CRACD: variants seen among roughly 807,000 people sequenced by gnomAD.
CRACD encodes capping protein-inhibiting regulator of actin dynamics.
CRACD carries 56 observed loss-of-function variants against 106.8 expected under a neutral mutation model. The observed-to-expected ratio is 0.52, with a 90% CI of 0.42 to 0.66. CRACD has a LOEUF of 0.66. CRACD is among the 30% of genes least tolerant of loss of function. CRACD has a pLI of 0.00. For synonymous variants in CRACD, 754 were observed against 670.8 expected (o/e 1.12, Z -1.92); for missense variants, 1,730 against 1,623.2 (o/e 1.07, Z -1.13).
chr4:56,121,089 T>C (rs376756995), intron 1 of CRACD, among the ~76,000 whole-genome samples: 2 of 152,322 alleles, frequency 1.3e-5, no homozygotes, highest in South Asian at 2.1e-4. Flanking sequence ...TCTTTAACAC[T>C]CCCTCTTCAT....
At position 56,314,417 on chromosome 4, in the gene CRACD, G is replaced by GAGGGAGCGGAGGGAGCGGAGGGAGCGT; in HGVS notation, c.923_924insGAGGGAGCGGAGGGAGCGTAGGGAGCG (p.Arg308_Glu309insArgGluArgArgGluArgArgGluArg). 1 of 1,544,024 alleles carries GAGGGAGCGGAGGGAGCGGAGGGAGCGT rather than the reference G, an allele frequency of 6.5e-7. No individual in the cohort carries two copies. Among genetic ancestry groups the GAGGGAGCGGAGGGAGCGGAGGGAGCGT allele is most frequent in the Non-Finnish European group, 8.7e-7 (1 of 1,144,066 alleles). On this transcript the variant is annotated inframe_insertion, in exon 8 of 11. Transcript: ENST00000682029. This position sits in a 1 kb window ranked among gnomAD's most constrained non-coding sequence, Gnocchi z 4.4. ...CGCCAGGTTGGGAGGACGCGGAGCG[G>GAGGGAGCGGAGGGAGCGGAGGGAGCGT]AGGGAGCGTGAGGAGCGCGAGCGCC...
intron 1 of CRACD, among the ~76,000 whole-genome samples, chr4:56,070,981 A>G (rs1411124358): frequency 1.3e-5 from 2 of 151,652 alleles, no homozygotes; most frequent in Non-Finnish European, 2.9e-5. Flanking sequence ...AACCCTGATG[A>G]CAGAGGTTGT....
intron 3 of CRACD, 103 bp from the exon 4 acceptor site, chr4:56,298,111 A>T: frequency 1.5e-6 from 2 of 1,291,908 alleles, no homozygotes; most frequent in Non-Finnish European, 1.1e-6. Context: ...GCCGAATGAG[A>T]CTGGGAATGT....
At chr4:56,163,336 C>A (rs1201813663) in intron 1 of CRACD, among the ~76,000 whole-genome samples, 3 of 151,778 alleles carry the variant, frequency 2.0e-5, no homozygotes, top group Non-Finnish European at 4.4e-5. Context: ...AATATTTTTC[C>A]TCATACAGCA....
intron 1 of CRACD, among the ~76,000 whole-genome samples, chr4:56,147,473 G>C (rs1454494706): frequency 2.0e-5 from 3 of 152,092 alleles, no homozygotes; most frequent in African/African-American, 7.2e-5. Flanking sequence ...CCTACATTCT[G>C]TCTGTATGGA....
At chr4:56,322,442 A>C (rs1195650828) in intron 8 of CRACD, among the ~76,000 whole-genome samples, 2 of 152,218 alleles carry the variant, frequency 1.3e-5, no homozygotes, top group African/African-American at 4.8e-5. Context: ...TACATAGGTG[A>C]GACAGTCAAC....
At chr4:56,103,991 C>T (rs1262064841) in intron 1 of CRACD, among the ~76,000 whole-genome samples, 1 of 152,186 alleles carries the variant, frequency 6.6e-6, no homozygotes, top group African/African-American at 2.4e-5. Context: ...TCAGGATGGT[C>T]TCAAACTCCT....
chr4:56,306,897 T>G (rs1744750060), intron 4 of CRACD, among the ~76,000 whole-genome samples: 1 of 152,188 alleles, frequency 6.6e-6, no homozygotes, highest in Non-Finnish European at 1.5e-5. Flanking sequence ...GTTCCTATCC[T>G]TTATAGGGTT....
At chr4:56,082,113 A>T (rs993481236) in intron 1 of CRACD, among the ~76,000 whole-genome samples, 6 of 152,224 alleles carry the variant, frequency 3.9e-5, no homozygotes, top group African/African-American at 1.4e-4. Context: ...GGGTGGTATG[A>T]TAGAGTTGCC....
intron 2 of CRACD, among the ~76,000 whole-genome samples, chr4:56,223,351 T>G (rs1414881693): frequency 1.3e-5 from 2 of 152,152 alleles, no homozygotes; most frequent in Non-Finnish European, 2.9e-5. Flanking sequence ...TTATGTAAAT[T>G]GGTAGGGATT....
At chr4:56,216,986 CAAAAAAA>C (rs369354563) in intron 2 of CRACD, among the ~76,000 whole-genome samples, 1 of 66,298 alleles carries the variant, frequency 1.5e-5, no homozygotes, top group African/African-American at 7.0e-5. Context: ...GACTCCGTCT[CAAAAAAA>C]AAAAAAAAAG....
chr4:56,089,168 A>G (rs1271746194), intron 1 of CRACD, among the ~76,000 whole-genome samples: 1 of 152,238 alleles, frequency 6.6e-6, no homozygotes, highest in East Asian at 1.9e-4. Flanking sequence ...GGGACCACAA[A>G]TTTGTGCCCT....
chr4:56,199,356 A>C (rs1737766783), intron 2 of CRACD, among the ~76,000 whole-genome samples: 1 of 152,120 alleles, frequency 6.6e-6, no homozygotes, highest in Admixed American at 6.6e-5. Context: ...TCATGCTTTT[A>C]TCAGCAAGTT....
At chr4:56,188,684 TCTCACACACA>T (rs1255919776) in intron 2 of CRACD, among the ~76,000 whole-genome samples, 6 of 99,808 alleles carry the variant, frequency 6.0e-5, no homozygotes, top group Non-Finnish European at 1.1e-4. Context: ...TCTCTCTCTC[TCTCACACACA>T]CACACACACA....
At chr4:56,131,793 A>G (rs1734834237) in intron 1 of CRACD, among the ~76,000 whole-genome samples, 1 of 152,202 alleles carries the variant, frequency 6.6e-6, no homozygotes, top group Admixed American at 6.5e-5. Context: ...TACTATTAAT[A>G]CAGTTTGTAG....
At chr4:56,122,911 C>T (rs2109856017) in intron 1 of CRACD, among the ~76,000 whole-genome samples, 1 of 152,300 alleles carries the variant, frequency 6.6e-6, no homozygotes, top group East Asian at 1.9e-4. Context: ...TCTTGCTATT[C>T]TGCATCTTGG....
chr4:56,144,774 C>A (rs1473599093), intron 1 of CRACD, among the ~76,000 whole-genome samples: 1 of 151,924 alleles, frequency 6.6e-6, no homozygotes, highest in Non-Finnish European at 1.5e-5. Context: ...CCTGTCTCAG[C>A]CCCCCAGTAG....
chr4:56,293,180 A>G (rs1473919274), intron 3 of CRACD, among the ~76,000 whole-genome samples: 1 of 152,206 alleles, frequency 6.6e-6, no homozygotes, highest in East Asian at 1.9e-4. Context: ...AAAGAATGGT[A>G]GCTATAATAA....
chr4:56,244,475 G>A (rs1740562806), intron 2 of CRACD, among the ~76,000 whole-genome samples: 1 of 152,132 alleles, frequency 6.6e-6, no homozygotes. Flanking sequence ...AGAGGTCCAG[G>A]CTACAGATCC....
Sources: gnomAD v4.1 joint callset for allele counts (sites outside exome capture counted in the v4.1 genomes callset) on GRCh38, gnomAD v4.1.1 for gene constraint, Gnocchi (gnomAD v3.1) non-coding constraint, MANE v1.5 for transcripts, NCBI Gene and HGNC (gene_info 2026-07-23, HGNC 2026-07-21) for gene names.